Variants in KRT80 observed in about 807,000 individuals in gnomAD.
The protein encoded by KRT80 is keratin 80.
In KRT80, 36 loss-of-function variants were observed where a neutral mutation model predicts 51.5. The observed-to-expected ratio is 0.70, with a 90% confidence interval of 0.54 to 0.92. The LOEUF (loss-of-function observed/expected upper bound fraction) is 0.92. Ranked by LOEUF, KRT80 falls within the 40% of genes least tolerant of loss-of-function variation. The pLI, the probability that KRT80 is intolerant of heterozygous loss-of-function variation, is 0.00. For missense variants in KRT80, 566 were observed against 591.7 expected (o/e 0.96, Z 0.45); for synonymous variants, 235 against 248.3 (o/e 0.95, Z 0.50).
Position 52,171,584 on chromosome 12 carries a change from G to T in KRT80, c.1235-62C>A, listed in dbSNP as rs375779159. On this transcript the variant is annotated intron_variant, in intron 8 of 8. Transcript: ENST00000394815. Reference sequence around the variant, plus strand: ...TGGAGGTTTGGGAGCCACTTAAAATGATGCCTTTAGGATCATGATCCCCTA... The same window carrying T: ...TGGAGGTTTGGGAGCCACTTAAAATTATGCCTTTAGGATCATGATCCCCTA... 16 of 1,612,324 alleles carry T rather than the reference G, an allele frequency of 9.9e-6. No individual in the cohort carries two copies. The African/African-American group carries it at 2.0e-4, about 20-fold the overall frequency.
intron 1 of KRT80, among the ~76,000 whole-genome samples, chr12:52,189,712 C>T (rs1044347069): frequency 7.2e-5 from 11 of 152,322 alleles, no homozygotes; most frequent in South Asian, 2.1e-4. Context: ...GGCCCCCAAA[C>T]GGCCAGTACC....
intron 4 of KRT80, among the ~76,000 whole-genome samples, chr12:52,177,030 G>C (rs570036290): frequency 1.3e-5 from 2 of 152,332 alleles, no homozygotes; most frequent in African/African-American, 2.4e-5. Context: ...GGCATATAGA[G>C]ATAAAATAGC....
rs1460853833 is a variant in KRT80 at position 52,185,536 on chromosome 12, G to A, written c.352C>T (p.Leu118=). 2.5e-6 allele frequency: 4 copies of A among 1,612,970 alleles called. No homozygotes were observed. The highest frequency in any genetic ancestry group is 3.4e-6 in the Non-Finnish European group (4 of 1,180,030). ...AAGATGGCTGAGTCCTGGCCCTGCAGGAAGCTCCAGCGTGTCTCCAGCAGC... is the reference window on the plus strand; with the variant it reads ...AAGATGGCTGAGTCCTGGCCCTGCAAGAAGCTCCAGCGTGTCTCCAGCAGC... ...NQLLETRWSF[L]QGQDSAIFDL... Residue 118 remains leucine (L), a synonymous_variant, in exon 2 of 9, where the codon CTG becomes TTG. Transcript: ENST00000394815.
intron 1 of KRT80, 98 bp downstream of exon 1, chr12:52,191,505 G>T: frequency 8.2e-7 from 1 of 1,214,768 alleles, no homozygotes. Context: ...TGGGTGCAGG[G>T]GTGGGGCGCG....
chr12:52,170,936 C>T lies in KRT80; in HGVS notation c.*462G>A, dbSNP rs1305629799. ...GATACAGGACAGGGCCCACGCCGTC[C>T]TCCTCGGCTCCCGCACATAGGTGGA... On this transcript the variant is annotated 3_prime_UTR_variant, in exon 9 of 9. Coordinates refer to ENST00000394815, the MANE Select transcript of KRT80 (RefSeq NM_182507.3). 6.2e-6 allele frequency: 1 copy of T among 161,022 alleles called. No homozygotes were observed. Among genetic ancestry groups the T allele is most frequent in the African/African-American group, 2.4e-5 (1 of 41,534 alleles). The allele number at this position is 161,022 out of a possible 1,614,324, so 10.0% of individuals were successfully genotyped here.
rs1387146575 is a variant in KRT80, at chr12:52,172,213, T to A, written c.1163A>T (p.Glu388Val). ...IEIATYRKLV[E>V]GEEGRMDSPS... ...TGGCTCTCACCTGCCCTCCTCGCCC[T>A]CCACCAGCTTCCTGTAGGTGGCGAT... is the stretch of plus-strand genomic sequence containing the variant. Residue 388 changes from glutamate (E) to valine (V), a missense_variant, in exon 7 of 9, where the codon GAG (glutamate) becomes GTG (valine). Transcript: ENST00000394815. 1 of 1,613,742 alleles carries A rather than the reference T, an allele frequency of 6.2e-7. No individual in the cohort carries two copies.
At position 52,172,343 on chromosome 12, in the gene KRT80, G is replaced by T. The variant is rs1202669052; in HGVS notation, c.1033C>A (p.Leu345Met). 6.2e-7 allele frequency: 1 copy of T among 1,614,110 alleles called. No individual in the cohort carries two copies. Among genetic ancestry groups the T allele is most frequent in the African/African-American group, 1.3e-5 (1 of 74,944 alleles). The change falls in exon 7 of 9, where the codon CTG becomes ATG. Residue 345 changes from leucine (L) to methionine (M), a missense_variant. Leu to Met is a conservative substitution (Grantham distance 15). Transcript: ENST00000394815. ...TGCAGGGCGGCCTCCAGCTGGGCCA[G>T]CTTGGTCTTGGCATCCTGGAAGGCC... ...ELAFQDAKTK[L>M]AQLEAALQQA...
In KRT80 at chr12:52,191,895, C is replaced by G; in HGVS notation, c.8G>C (p.Cys3Ser). The G allele has an allele frequency of 6.8e-7, 1 of 1,478,576 alleles. No homozygotes were observed. The highest frequency in any genetic ancestry group is 1.4e-5 in the South Asian group (1 of 73,278). The allele number at this position is 1,478,576 out of a possible 1,614,324, so 91.6% of individuals were successfully genotyped here. A position where few individuals can be genotyped will look rare whatever the true frequency, so the allele number is the denominator to read the frequency against. ...GCTGAAGCCAACCACGCAGGAGCGG[C>G]AGGCCATGGTGCCCCCGGCCGGAAG... is the stretch of plus-strand genomic sequence containing the variant. MA[C>S]RSCVVGFSSL... Residue 3 changes from cysteine to serine, a missense_variant, in exon 1 of 9, where the codon TGC becomes TCC. Physicochemically the swap from Cys to Ser is moderately radical, Grantham distance 112 (BLOSUM62 -1). Transcript: ENST00000394815.
intron 1 of KRT80, among the ~76,000 whole-genome samples, chr12:52,187,345 C>T (rs942703989): frequency 2.6e-5 from 4 of 152,226 alleles, no homozygotes; most frequent in African/African-American, 9.6e-5. Context: ...CCTTCATTTG[C>T]AGAGGAGGCA....
chr12:52,172,811 C>T (rs1305909032), intron 6 of KRT80, among the ~76,000 whole-genome samples: 1 of 152,130 alleles, frequency 6.6e-6, no homozygotes, highest in Non-Finnish European at 1.5e-5. Flanking sequence ...TTCTAACGTT[C>T]CAGCAGCCTT....
intron 2 of KRT80, among the ~76,000 whole-genome samples, chr12:52,182,156 G>A (rs1383627666): frequency 6.6e-6 from 1 of 152,200 alleles, no homozygotes; most frequent in Non-Finnish European, 1.5e-5. Context: ...TCTGTTAGGG[G>A]CTTTGATGGT....
intron 1 of KRT80, among the ~76,000 whole-genome samples, chr12:52,190,421 C>T (rs932104997): frequency 2.0e-5 from 3 of 152,214 alleles, no homozygotes; most frequent in Non-Finnish European, 4.4e-5. Context: ...TTGCAATGTT[C>T]CTCCAGAGGG....
rs752104223 is a variant in KRT80, at chr12:52,173,645, G to A, written c.786C>T (p.Val262=). The A allele has an allele frequency of 2.4e-5, 38 of 1,613,022 alleles. No homozygotes were observed. The highest frequency in any genetic ancestry group is 2.8e-5 in the Non-Finnish European group (33 of 1,180,012). ...CGGCCTCCTCCAGGCTGCGAGCCGC[G>A]ACGGCGTCATACTGGGCCTTCACCT... The part of the protein sequence containing the change: ...VEEVKAQYDA[V]AARSLEEAEA... Residue 262 remains valine (V), a synonymous_variant, in exon 5 of 9, where the codon GTC becomes GTT. Coordinates refer to ENST00000394815, the MANE Select transcript of KRT80 (RefSeq NM_182507.3).
intron 2 of KRT80, among the ~76,000 whole-genome samples, chr12:52,185,167 T>C (rs7138032): frequency 0.64 from 97,435 of 152,120 alleles, 31,696 homozygotes; most frequent in Middle Eastern, 0.7. Flanking sequence ...TTTTAAGGGT[T>C]GCTATTAGGG....
chr12:52,176,650 T>C (rs111868935), intron 4 of KRT80, among the ~76,000 whole-genome samples: 1 of 152,094 alleles, frequency 6.6e-6, no homozygotes, highest in African/African-American at 2.4e-5. Flanking sequence ...CCCAGCTAAT[T>C]TTGTATTTTT....
At chr12:52,175,001 G>A (rs959979423) in intron 4 of KRT80, among the ~76,000 whole-genome samples, 1 of 152,190 alleles carries the variant, frequency 6.6e-6, no homozygotes, top group Non-Finnish European at 1.5e-5. Flanking sequence ...GGGCCAGGCA[G>A]GAGGTGGGTG....
rs764186235 is a variant in KRT80, at chr12:52,171,638, C to T, written c.1234+20G>A. ...CCTCACCCTCACCCCACCATGGGTT[C>T]TCGGGGCAAGAGGACTCACCGGTTT... On this transcript the variant is annotated intron_variant, in intron 8 of 8. Transcript: ENST00000394815. 2.0e-6 allele frequency: 3 copies of T among 1,527,718 alleles called. No individual in the cohort carries two copies. Among genetic ancestry groups the T allele is most frequent in the Admixed American group, 1.9e-5 (1 of 53,372 alleles). 94.6% of individuals were successfully genotyped at this position (1,527,718 alleles called of 1,614,324 possible).
chr12:52,179,532 A>G (rs1359361296), intron 4 of KRT80, among the ~76,000 whole-genome samples: 3 of 152,314 alleles, frequency 2.0e-5, no homozygotes, highest in African/African-American at 7.2e-5. Context: ...CGGAGGCCCC[A>G]GCTGGCAGCT....
chr12:52,176,527 G>A (rs1171703127), intron 4 of KRT80, among the ~76,000 whole-genome samples: 1 of 150,586 alleles, frequency 6.6e-6, no homozygotes, highest in Non-Finnish European at 1.5e-5. Context: ...TGTTGCCCAG[G>A]TTGGAGTGTG....
Sources: allele counts gnomAD v4.1 joint callset (sites outside exome capture counted in the v4.1 genomes callset), GRCh38; gene constraint gnomAD v4.1.1; transcripts MANE v1.5; gene names NCBI Gene and HGNC (gene_info 2026-07-23, HGNC 2026-07-21).